Variants in IQCE observed in about 807,000 individuals in gnomAD.
IQCE encodes IQ motif containing E, also known as IQ domain-containing protein E.
IQCE carries 115 observed loss-of-function variants against 96.0 expected under a neutral mutation model. The observed-to-expected ratio is 1.20, with a 90% CI of 1.03 to 1.40. IQCE has a LOEUF of 1.40. IQCE is among the 40% of genes most tolerant of loss of function. The pLI is 0.00. For missense variants in IQCE, 1,041 were observed against 909.1 expected (o/e 1.15, Z -1.87); for synonymous variants, 412 against 371.2 (o/e 1.11, Z -1.26).
intron 13 of IQCE, 43 bp downstream of exon 13, chr7:2,587,920 C>T (rs771069299): frequency 6.3e-7 from 1 of 1,584,358 alleles, no homozygotes; most frequent in Non-Finnish European, 8.7e-7. Flanking sequence ...GGACCAGGGG[C>T]CTCATGCTGT....
chr7:2,611,831 C>G lies in IQCE; in HGVS notation c.*1669C>G, dbSNP rs1358015449. Reference sequence around the variant, plus strand: ...TTTCCTTATTTGGTCTGTGGGTTGCCAAGTCCATTTTTTTTTCCACTGAAC... The same window carrying G: ...TTTCCTTATTTGGTCTGTGGGTTGCGAAGTCCATTTTTTTTTCCACTGAAC... On this transcript the variant is annotated 3_prime_UTR_variant, in exon 22 of 22. Transcript: ENST00000402050. The G allele has an allele frequency of 1.3e-5, 2 of 152,234 alleles. No homozygotes were observed. The highest frequency in any genetic ancestry group is 2.4e-5 in the African/African-American group (1 of 41,428). 9.4% of individuals were successfully genotyped at this position (152,234 alleles called of 1,614,324 possible).
intron 20 of IQCE, among the ~76,000 whole-genome samples, chr7:2,606,874 A>C (rs1272000370): frequency 6.6e-6 from 1 of 152,052 alleles, no homozygotes; most frequent in Admixed American, 6.5e-5. Flanking sequence ...TTATAAAACC[A>C]TGCCGGCCTG....
At chr7:2,577,684 G>A (rs377556129) in intron 6 of IQCE, among the ~76,000 whole-genome samples, 535 of 37,752 alleles carry the variant, frequency 0.014, 2 homozygotes, top group Non-Finnish European at 0.017. Flanking sequence ...TGTGCGGCGT[G>A]CACGCATTGG....
intron 16 of IQCE, among the ~76,000 whole-genome samples, chr7:2,595,890 T>C (rs1360540537): frequency 0.015 from 1,354 of 91,218 alleles, no homozygotes; most frequent in Middle Eastern, 0.074. Flanking sequence ...GCCGGTGCTG[T>C]ACTTGCCTCC....
At position 2,571,578 on chromosome 7, in the gene IQCE, G is replaced by C; in HGVS notation, c.183G>C (p.Arg61Ser). ...PRKVASWRSL[R>S]TAGSMPLGGR... ...AAGTGGCCTCCTGGAGGTCCCTCAG[G>C]ACGGCAGGGAGCATGCCTCTGGGCG... is the stretch of plus-strand genomic sequence containing the variant. Residue 61 changes from arginine to serine, a missense_variant, in exon 4 of 22, where the codon AGG becomes AGC. By Grantham distance (110) the Arg-to-Ser change is moderately radical (BLOSUM62 -1). Coordinates refer to ENST00000402050, the MANE Select transcript of IQCE (RefSeq NM_152558.5). The C allele has an allele frequency of 2.5e-6, 4 of 1,604,532 alleles. No individual in the cohort carries two copies. Among genetic ancestry groups the C allele is most frequent in the Middle Eastern group, 1.6e-4 (1 of 6,062 alleles).
chr7:2,567,505 C>T (rs567702828), intron 2 of IQCE, among the ~76,000 whole-genome samples: 5 of 152,284 alleles, frequency 3.3e-5, no homozygotes, highest in South Asian at 2.1e-4. Flanking sequence ...CGGAAGGACC[C>T]GATGGGAGAA....
chr7:2,597,520 C>T (rs1401852228), intron 16 of IQCE, among the ~76,000 whole-genome samples: 1 of 152,256 alleles, frequency 6.6e-6, no homozygotes. Context: ...GCACTGGGAG[C>T]AGTCTTGTGT....
chr7:2,597,572 C>T (rs531798429), intron 16 of IQCE, among the ~76,000 whole-genome samples: 2 of 152,352 alleles, frequency 1.3e-5, no homozygotes, highest in Non-Finnish European at 1.5e-5. Context: ...TGCTCTCCAC[C>T]GAGCTTGCAT....
chr7:2,561,501 A>G (rs1780955317), intron 1 of IQCE, among the ~76,000 whole-genome samples: 1 of 150,468 alleles, frequency 6.6e-6, no homozygotes, highest in African/African-American at 2.4e-5. Context: ...GCTCACTGCA[A>G]GCTCCGCCTC....
At chr7:2,607,055 G>A (rs1450940460) in intron 20 of IQCE, 69 bp from the exon 21 acceptor site, 3 of 1,376,028 alleles carry the variant, frequency 2.2e-6, no homozygotes, top group African/African-American at 1.5e-5. Flanking sequence ...TACTGAGGCT[G>A]CTGTAAACCT....
rs111989876 is a variant in IQCE at position 2,581,966 on chromosome 7, C to T, written c.631-614C>T. On this transcript the variant is annotated intron_variant, in intron 8 of 21. Transcript: ENST00000402050. ...TGACCCCATGATCCACCCGCCTCGG[C>T]CTCCCAAAGTGCTGGGATTACAGGC... The T allele has an allele frequency of 4.4e-3, 1,835 of 420,542 alleles. 29 individuals carry two copies. The highest frequency in any genetic ancestry group is 0.032 in the African/African-American group (1,571 of 48,468). 26.1% of individuals were successfully genotyped at this position (420,542 alleles called of 1,614,324 possible).
chr7:2,602,681 C>G (rs1036469934), intron 18 of IQCE, among the ~76,000 whole-genome samples: 4 of 152,246 alleles, frequency 2.6e-5, no homozygotes. Context: ...GTCCCCTTCC[C>G]CTTGGCCACA....
Position 2,583,681 on chromosome 7 carries a change from G to A in IQCE, c.746G>A (p.Arg249Gln), listed in dbSNP as rs879152562. ...AAGACTACCAACCTGGAAGAGATGC[G>A]GATCGCCATGGAGACATACTACGAG... ...DMKTTNLEEM[R>Q]IAMETYYEEV... Residue 249 changes from arginine (R) to glutamine (Q), a missense_variant, in exon 10 of 22, where the codon CGG becomes CAG. Physicochemically the swap from Arg to Gln is conservative, Grantham distance 43 (BLOSUM62 1). Coordinates refer to ENST00000402050, the MANE Select transcript of IQCE (RefSeq NM_152558.5). 2.3e-5 allele frequency: 36 copies of A among 1,576,928 alleles called. No homozygotes were observed. The highest frequency in any genetic ancestry group is 1.7e-4 in the Middle Eastern group (1 of 5,900).
At chr7:2,568,818 C>A in intron 2 of IQCE, 136 bp from the exon 3 acceptor site, 1 of 745,446 alleles carries the variant, frequency 1.3e-6, no homozygotes, top group East Asian at 2.6e-5. Flanking sequence ...GTTCCTGGAC[C>A]CTCCTTACGT....
In IQCE at chr7:2,563,341, CAT is replaced by C. The variant is rs539292966; in HGVS notation, c.37-3774_37-3773del. Among the ~76,000 whole-genome samples the C allele has an allele frequency of 5.7e-4, 86 of 151,386 alleles. 3 individuals are homozygous for C. In the South Asian group the frequency reaches 0.018, roughly 31 times the overall value. ...TCTCCTGTGTAGTTGGGACCACAGA[CAT>C]GTGCCATGATGCCCAGCTAATTAAT... On this transcript the variant is annotated intron_variant, in intron 1 of 21. Transcript: ENST00000402050.
At chr7:2,593,995 C>T (rs62439486) in intron 15 of IQCE, among the ~76,000 whole-genome samples, 23,024 of 152,144 alleles carry the variant, frequency 0.15, 1,908 homozygotes, top group Non-Finnish European at 0.17. Flanking sequence ...GGCACAGTGG[C>T]TCATGCCTGT....
At chr7:2,594,862 T>C in intron 15 of IQCE, 24 bp from the exon 16 acceptor site, 1 of 1,554,054 alleles carries the variant, frequency 6.4e-7, no homozygotes, top group Non-Finnish European at 8.9e-7. Flanking sequence ...GTGAGGTGTC[T>C]CATCTTTTCC....
chr7:2,574,155 T>TTG (rs1781955989), intron 6 of IQCE, among the ~76,000 whole-genome samples: 1 of 152,242 alleles, frequency 6.6e-6, no homozygotes, highest in Non-Finnish European at 1.5e-5. Flanking sequence ...TCCGTAAATG[T>TTG]TTGCCCCTGG....
chr7:2,568,964 G>A lies in IQCE; in HGVS notation c.95G>A (p.Arg32Lys). Reference sequence around the variant, plus strand: ...TCTTCTTTCTTTCAGAAAGCAAAAAGGAAAGCTTTCCACAAACCTCCACCC... The same window carrying A: ...TCTTCTTTCTTTCAGAAAGCAAAAAAGAAAGCTTTCCACAAACCTCCACCC... The part of the protein sequence containing the change: ...FDSDVETKAK[R>K]KAFHKPPPTS... The change falls in exon 3 of 22, where the codon AGG (arginine) becomes AAG (lysine). Residue 32 changes from arginine (R) to lysine (K), a missense_variant. Arg to Lys is a conservative substitution (Grantham distance 26). Transcript: ENST00000402050. 1 of 1,613,488 alleles carries A rather than the reference G, an allele frequency of 6.2e-7. No individual in the cohort carries two copies.
Sources: allele counts gnomAD v4.1 joint callset (sites outside exome capture counted in the v4.1 genomes callset), GRCh38; gene constraint gnomAD v4.1.1; transcripts MANE v1.5; gene names NCBI Gene and HGNC (gene_info 2026-07-23, HGNC 2026-07-21).